The following COL4A6 variants were observed in gnomAD, a reference collection of about 807,000 sequenced individuals.
The protein encoded by COL4A6 is collagen alpha-6(IV) chain.
A neutral mutation model predicts 126.7 loss-of-function variants in COL4A6; 59 were observed. That is an observed-to-expected ratio of 0.47 (90% confidence interval 0.38 to 0.58). The LOEUF (loss-of-function observed/expected upper bound fraction) is 0.58, where lower values mean the gene tolerates loss of function less well. Among genes scored for constraint, COL4A6 ranks in the 20% least tolerant of loss-of-function variants. COL4A6 has a pLI of 0.00. For synonymous variants in COL4A6, 547 were observed against 496.6 expected, an observed-to-expected ratio of 1.10 and a Z score of -1.35; for missense variants, 1,285 against 1,337.3, an observed-to-expected ratio of 0.96 and a Z score of 0.61.
At chrX:108,239,158 T>G (rs1402169849) in intron 3 of COL4A6, among the ~76,000 whole-genome samples, 1 of 112,492 alleles carries the variant, frequency 8.9e-6, no homozygotes, top group Non-Finnish European at 1.9e-5. Flanking sequence ...ATCTGTCTGT[T>G]ACCTTTGTCT....
At chrX:108,236,092 T>A (rs994945571) in intron 3 of COL4A6, among the ~76,000 whole-genome samples, 11 of 111,540 alleles carry the variant, frequency 9.9e-5, no homozygotes, top group Admixed American at 2.9e-4. Context: ...TAATACAGAA[T>A]TCTGTAGAGA....
chrX:108,171,824 C>T (rs1460371226), intron 32 of COL4A6, among the ~76,000 whole-genome samples: 1 of 111,902 alleles, frequency 8.9e-6, no homozygotes, highest in Non-Finnish European at 1.9e-5. Flanking sequence ...GGGGAAGAGA[C>T]TGGAGCCGAG....
intron 16 of COL4A6, 67 bp downstream of exon 16, chrX:108,194,467 A>G: frequency 9.8e-7 from 1 of 1,018,755 alleles, no homozygotes. Flanking sequence ...TTCATCTTAT[A>G]TACAGACATT....
chrX:108,439,421 ACT>A (rs2064340339), upstream of COL4A6: 4 of 702,368 alleles, frequency 5.7e-6, no homozygotes, highest in East Asian at 4.0e-5. Context: ...GTATGTAGAA[ACT>A]CTCTGTTCTG....
At chrX:108,341,809 C>T (rs2039572307) in intron 2 of COL4A6, among the ~76,000 whole-genome samples, 1 of 111,418 alleles carries the variant, frequency 9.0e-6, no homozygotes. Context: ...TATAAAGATT[C>T]CCAGAGGACC....
intron 2 of COL4A6, among the ~76,000 whole-genome samples, chrX:108,352,228 T>C (rs968562565): frequency 6.7e-4 from 75 of 112,693 alleles, no homozygotes; most frequent in African/African-American, 2.4e-3. Flanking sequence ...AGAACATGCC[T>C]GATGCATAAG....
intron 2 of COL4A6, among the ~76,000 whole-genome samples, chrX:108,320,849 C>T (rs1428499981): frequency 2.7e-5 from 3 of 111,809 alleles, no homozygotes; most frequent in Non-Finnish European, 5.6e-5. Flanking sequence ...TTTTCCACCA[C>T]AAATCTGAAA....
chrX:108,372,038 C>G (rs778159609), intron 2 of COL4A6, among the ~76,000 whole-genome samples: 1 of 110,651 alleles, frequency 9.0e-6, no homozygotes, highest in Admixed American at 9.6e-5. Flanking sequence ...AGACTTAAAC[C>G]CCTACCTGTA....
intron 8 of COL4A6, among the ~76,000 whole-genome samples, chrX:108,207,885 TGG>T (rs1238836996): frequency 2.7e-5 from 3 of 111,067 alleles, no homozygotes; most frequent in Non-Finnish European, 3.8e-5. Context: ...CAATCTCCCA[TGG>T]ATACCAAGGG....
chrX:108,239,341 A>G (rs1331122919), intron 3 of COL4A6, among the ~76,000 whole-genome samples: 1 of 112,334 alleles, frequency 8.9e-6, no homozygotes, highest in African/African-American at 3.2e-5. Context: ...TTTGTAATCT[A>G]TCCAGAGGTC....
At chrX:108,296,248 C>T (rs1305758658) in intron 3 of COL4A6, among the ~76,000 whole-genome samples, 1 of 112,469 alleles carries the variant, frequency 8.9e-6, no homozygotes, top group Admixed American at 9.4e-5. Context: ...CTCTGTCAAA[C>T]CCAACAGATA....
In COL4A6 at chrX:108,211,648, G is replaced by A. The variant is rs372843683; in HGVS notation, c.510+24C>T. On this transcript the variant is annotated intron_variant, in intron 7 of 44. Transcript: ENST00000334504. Reference sequence around the variant, plus strand: ...GGGAACCCAGCTTATAGCCTACTCAGCTATCTGACTTACAGGTTCTTACCT... The same window carrying A: ...GGGAACCCAGCTTATAGCCTACTCAACTATCTGACTTACAGGTTCTTACCT... 459 of 1,198,946 alleles carry A rather than the reference G, an allele frequency of 3.8e-4. 1 individual carries two copies. In the African/African-American group the frequency reaches 6.5e-3, roughly 17 times the overall value.
chrX:108,219,556 C>T, intron 5 of COL4A6, 142 bp downstream of exon 5: 1 of 556,921 alleles, frequency 1.8e-6, no homozygotes, highest in Non-Finnish European at 3.1e-6. Context: ...TGACCACTGC[C>T]CTTTAAACCT....
intron 13 of COL4A6, among the ~76,000 whole-genome samples, chrX:108,198,627 A>G (rs2035294300): frequency 9.0e-6 from 1 of 110,622 alleles, no homozygotes; most frequent in Admixed American, 9.6e-5. Context: ...GCCCCGTGAC[A>G]GTCAGTCCTC....
chrX:108,159,381 A>G, intron 44 of COL4A6, 81 bp downstream of exon 44: 2 of 1,063,777 alleles, frequency 1.9e-6, no homozygotes, highest in South Asian at 2.0e-5. Flanking sequence ...TATGCTTTCT[A>G]CCTGGTGTCC....
intron 2 of COL4A6, among the ~76,000 whole-genome samples, chrX:108,348,762 A>G (rs1020345176): frequency 2.7e-5 from 3 of 112,001 alleles, no homozygotes; most frequent in Non-Finnish European, 5.6e-5. Flanking sequence ...GCTCAATCCC[A>G]GTAATAGAAC....
At chrX:108,179,126 C>T in intron 26 of COL4A6, 91 bp downstream of exon 26, 1 of 869,227 alleles carries the variant, frequency 1.2e-6, no homozygotes, top group Admixed American at 3.0e-5. Flanking sequence ...ATTAAACCAT[C>T]ACCCCAGATT....
intron 3 of COL4A6, among the ~76,000 whole-genome samples, chrX:108,258,252 T>A (rs1816100218): frequency 8.9e-6 from 1 of 112,161 alleles, no homozygotes; most frequent in African/African-American, 3.2e-5. Context: ...CTTTACCTTT[T>A]ACACTTTGGC....
chrX:108,196,050 A>G, intron 14 of COL4A6, among the ~76,000 whole-genome samples: 1 of 111,023 alleles, frequency 9.0e-6, no homozygotes, highest in Non-Finnish European at 1.9e-5. Flanking sequence ...GAAACTGTTG[A>G]CTCCAAACAT....
Sources: allele counts gnomAD v4.1 joint callset (sites outside exome capture counted in the v4.1 genomes callset), GRCh38; gene constraint gnomAD v4.1.1; transcripts MANE v1.5; gene names NCBI Gene and HGNC (gene_info 2026-07-23, HGNC 2026-07-21).